Variants in ASCC3 observed in about 807,000 individuals in gnomAD.
The protein encoded by ASCC3 is ASC-1 complex subunit P200.
ASCC3 carries 158 observed loss-of-function variants against 256.3 expected under a neutral mutation model. The observed-to-expected ratio is 0.62, with a 90% CI of 0.54 to 0.70. The LOEUF is 0.70. ASCC3 is among the 30% of genes least tolerant of loss of function. The probability of loss-of-function intolerance (pLI) is 0.00; values close to 1 mark genes in which losing one functional copy is unlikely to be tolerated. For missense variants in ASCC3, 2,259 were observed against 2,626.0 expected, an observed-to-expected ratio of 0.86 and a Z score of 3.05; for synonymous variants, 948 against 883.4, an observed-to-expected ratio of 1.07 and a Z score of -1.30.
In ASCC3 at chr6:100,676,181, A is replaced by G. The variant is rs536466607; in HGVS notation, c.2286+3437T>C. On this transcript the variant is annotated intron_variant, in intron 14 of 41. Transcript: ENST00000369162. Reference sequence around the variant, plus strand: ...TGTTTATTATCCTTTTGCCATTTTAAAATTTAGTTACTAGTATATATATTT... The same window carrying G: ...TGTTTATTATCCTTTTGCCATTTTAGAATTTAGTTACTAGTATATATATTT... Among the ~76,000 whole-genome samples, 311 of 152,176 alleles carry G rather than the reference A, an allele frequency of 2.0e-3. 1 individual carries two copies. Among genetic ancestry groups the G allele is most frequent in the African/African-American group, 7.1e-3 (294 of 41,540 alleles).
rs1198607846 is a variant in ASCC3 at position 100,606,846 on chromosome 6, T to C, written c.4938A>G (p.Thr1646=). Residue 1646 remains threonine, a synonymous_variant, in exon 32 of 42, where the codon ACA becomes ACG. Coordinates refer to ENST00000369162, the MANE Select transcript of ASCC3 (RefSeq NM_006828.4). ...AGTTTACACCCCAGGCTAATGTGCT[T>C]GTAGCAATAAGAACCTAAAAAGCAA... ...VNCKVQVLIA[T]STLAWGVNFP... is the part of the protein sequence containing the mutation. 1 of 1,611,942 alleles carries C rather than the reference T, an allele frequency of 6.2e-7. No homozygotes were observed. Among genetic ancestry groups the C allele is most frequent in the Non-Finnish European group, 8.5e-7 (1 of 1,178,990 alleles).
At chr6:100,569,675 G>A (rs371896624) in intron 36 of ASCC3, among the ~76,000 whole-genome samples, 4 of 152,052 alleles carry the variant, frequency 2.6e-5, no homozygotes, top group South Asian at 2.1e-4. Context: ...TGGCGCGGTC[G>A]GTTACTGTAA....
At chr6:100,693,778 T>C (rs1363497431) in intron 13 of ASCC3, among the ~76,000 whole-genome samples, 2 of 152,182 alleles carry the variant, frequency 1.3e-5, no homozygotes, top group African/African-American at 4.8e-5. Flanking sequence ...TATGAGAAAC[T>C]AATGCTGTAA....
intron 37 of ASCC3, among the ~76,000 whole-genome samples, chr6:100,536,112 C>T (rs531204917): frequency 1.3e-4 from 20 of 152,154 alleles, no homozygotes; most frequent in African/African-American, 4.3e-4. Context: ...TAAACAACTA[C>T]TGCATTTTAG....
At chr6:100,661,544 G>T (rs1776221304) in intron 16 of ASCC3, among the ~76,000 whole-genome samples, 1 of 151,590 alleles carries the variant, frequency 6.6e-6, no homozygotes, top group Non-Finnish European at 1.5e-5. Flanking sequence ...ATTTTCTATA[G>T]TCTTTGTTAG....
chr6:100,589,493 A>G, intron 36 of ASCC3, 141 bp downstream of exon 36: 1 of 905,848 alleles, frequency 1.1e-6, no homozygotes, highest in Non-Finnish European at 1.7e-6. Flanking sequence ...ATCTTAGTCT[A>G]GATGTGTTGC....
chr6:100,675,621 G>A (rs1489548789), intron 14 of ASCC3, among the ~76,000 whole-genome samples: 3 of 152,096 alleles, frequency 2.0e-5, no homozygotes, highest in South Asian at 2.1e-4. Flanking sequence ...AGCAGCTTGA[G>A]GATACGTATT....
At chr6:100,541,306 A>T (rs1272695810) in intron 36 of ASCC3, among the ~76,000 whole-genome samples, 1 of 152,044 alleles carries the variant, frequency 6.6e-6, no homozygotes, top group Non-Finnish European at 1.5e-5. Flanking sequence ...AAAAAAAAAA[A>T]AGACAAAAAC....
intron 36 of ASCC3, among the ~76,000 whole-genome samples, chr6:100,573,909 T>A (rs1770726227): frequency 6.6e-6 from 1 of 152,150 alleles, no homozygotes; most frequent in South Asian, 2.1e-4. Context: ...AATGTTCTTA[T>A]ATGCCCCGGG....
chr6:100,632,272 A>G (rs1392794463), intron 25 of ASCC3, among the ~76,000 whole-genome samples: 5 of 151,786 alleles, frequency 3.3e-5, no homozygotes, highest in Non-Finnish European at 5.9e-5. Context: ...CTAAAGAGGT[A>G]AAAAATCTGT....
chr6:100,632,744 T>A (rs1582600642), intron 25 of ASCC3, among the ~76,000 whole-genome samples: 1 of 152,090 alleles, frequency 6.6e-6, no homozygotes, highest in South Asian at 2.1e-4. Context: ...TTCTCTTCTA[T>A]GAATGATGTT....
intron 33 of ASCC3, among the ~76,000 whole-genome samples, chr6:100,603,878 C>G (rs76533734): frequency 6.6e-6 from 1 of 151,966 alleles, no homozygotes; most frequent in Non-Finnish European, 1.5e-5. Context: ...TAATGAGAGA[C>G]GTTTGTTATA....
chr6:100,880,760 T>C (rs1169344141), intron 1 of ASCC3, among the ~76,000 whole-genome samples: 2 of 152,188 alleles, frequency 1.3e-5, no homozygotes, highest in African/African-American at 4.8e-5. Flanking sequence ...AAATTACCCA[T>C]GCATGGGACA....
At chr6:100,875,049 G>A (rs1661732231) in intron 1 of ASCC3, among the ~76,000 whole-genome samples, 1 of 152,156 alleles carries the variant, frequency 6.6e-6, no homozygotes, top group African/African-American at 2.4e-5. Context: ...ATACTAACAT[G>A]TTACAGAAAA....
chr6:100,548,520 C>A (rs1289248476), intron 36 of ASCC3, among the ~76,000 whole-genome samples: 2 of 151,818 alleles, frequency 1.3e-5, no homozygotes, highest in African/African-American at 4.8e-5. Context: ...TGAGTATCTA[C>A]CATATGCCAT....
intron 5 of ASCC3, among the ~76,000 whole-genome samples, chr6:100,803,988 T>C (rs1770047475): frequency 6.6e-6 from 1 of 152,138 alleles, no homozygotes; most frequent in Admixed American, 6.6e-5. Flanking sequence ...TGTTTTCCTA[T>C]TTACCACTTA....
intron 36 of ASCC3, among the ~76,000 whole-genome samples, chr6:100,584,713 G>A (rs575183017): frequency 3.3e-5 from 5 of 152,088 alleles, no homozygotes; most frequent in East Asian, 1.9e-4. Context: ...ATTTTGCAGC[G>A]GCTGGTACCG....
At chr6:100,566,938 AG>A (rs1463259118) in intron 36 of ASCC3, among the ~76,000 whole-genome samples, 1 of 152,096 alleles carries the variant, frequency 6.6e-6, no homozygotes, top group Non-Finnish European at 1.5e-5. Context: ...TACTCATTGA[AG>A]ATGCCTAGGA....
intron 36 of ASCC3, among the ~76,000 whole-genome samples, chr6:100,582,642 A>T (rs1771359107): frequency 6.6e-6 from 1 of 152,014 alleles, no homozygotes; most frequent in African/African-American, 2.4e-5. Flanking sequence ...GAGTGGTGAG[A>T]GAGGGCATCC....
Sources: allele counts gnomAD v4.1 joint callset (sites outside exome capture counted in the v4.1 genomes callset), GRCh38; gene constraint gnomAD v4.1.1; transcripts MANE v1.5; gene names NCBI Gene and HGNC (gene_info 2026-07-23, HGNC 2026-07-21).